Variants in STK3 observed in about 807,000 individuals in gnomAD.
STK3 encodes serine/threonine-protein kinase 3.
STK3 carries 41 observed loss-of-function variants against 58.0 expected under a neutral mutation model. That is an observed-to-expected ratio of 0.71 (90% CI 0.55 to 0.92). STK3 has a LOEUF of 0.92. Ranked by LOEUF, STK3 falls within the 40% of genes least tolerant of loss-of-function variation. The probability of loss-of-function intolerance (pLI) is 0.00; values close to 1 mark genes in which losing one functional copy is unlikely to be tolerated. For missense variants in STK3, 479 were observed against 602.7 expected (o/e 0.79, Z 2.15); for synonymous variants, 170 against 191.0 (o/e 0.89, Z 0.91).
chr8:98,746,114 C>T (rs1829624872), intron 4 of STK3, among the ~76,000 whole-genome samples: 1 of 152,244 alleles, frequency 6.6e-6, no homozygotes, highest in Non-Finnish European at 1.5e-5. Flanking sequence ...TAGCACATAA[C>T]TGTACTGAAG....
intron 1 of STK3, among the ~76,000 whole-genome samples, chr8:98,777,343 C>T (rs941935842): frequency 4.6e-5 from 7 of 151,930 alleles, no homozygotes; most frequent in African/African-American, 1.4e-4. Flanking sequence ...CCCGGGCAAA[C>T]GGCGGAACCC....
At position 98,455,223 on chromosome 8, in the gene STK3, C is replaced by T. The variant is rs1054673961; in HGVS notation, c.*619G>A. ...AAGGGTAAAAATGGAATTATTGCTT[C>T]AATATAAAAAAGGCCTAGCCCATTT... On this transcript the variant is annotated 3_prime_UTR_variant, in exon 11 of 11. Coordinates refer to ENST00000419617, the MANE Select transcript of STK3 (RefSeq NM_006281.4). 1.3e-5 allele frequency: 2 copies of T among 152,252 alleles called. No individual in the cohort carries two copies. Among genetic ancestry groups the T allele is most frequent in the African/African-American group, 4.8e-5 (2 of 41,336 alleles). The allele number at this position is 152,252 out of a possible 1,614,324, so 9.4% of individuals were successfully genotyped here.
rs112199991 is a variant in STK3 at position 98,878,547 on chromosome 8, C to T, written c.110+5100G>A. ...ACCATTTTTCCCGCCAAACCACTCACCCCGTCACTCTCTTTAAATTAGCCA... is the reference window on the plus strand; with the variant it reads ...ACCATTTTTCCCGCCAAACCACTCATCCCGTCACTCTCTTTAAATTAGCCA... On this transcript the variant is annotated intron_variant, in intron 3 of 12. Transcript: ENST00000523601. Among the ~76,000 whole-genome samples, 1,333 of 152,166 alleles carry T rather than the reference C, an allele frequency of 8.8e-3. 14 individuals are homozygous for T. Among genetic ancestry groups the T allele is most frequent in the African/African-American group, 0.03 (1,259 of 41,504 alleles).
chr8:98,360,667 G>C, the STK3 span, among the ~76,000 whole-genome samples: 2 of 152,128 alleles, frequency 1.3e-5, no homozygotes, highest in African/African-American at 4.8e-5. Context: ...CCTTCCTTGA[G>C]AGCTCTCACT....
chr8:98,694,210 T>C (rs1305550119), intron 6 of STK3, among the ~76,000 whole-genome samples: 3 of 152,206 alleles, frequency 2.0e-5, no homozygotes, highest in Non-Finnish European at 1.5e-5. Flanking sequence ...GAAAAGACTC[T>C]TCAGGAAAGG....
At chr8:98,470,972 A>T (rs1820875308) in intron 10 of STK3, among the ~76,000 whole-genome samples, 1 of 152,220 alleles carries the variant, frequency 6.6e-6, no homozygotes, top group Non-Finnish European at 1.5e-5. Flanking sequence ...AAATTAAATG[A>T]TCCTAAATCA....
chr8:98,383,390 G>C (rs1363278348), intron 1 of STK3, among the ~76,000 whole-genome samples: 3 of 152,218 alleles, frequency 2.0e-5, no homozygotes, highest in Non-Finnish European at 2.9e-5. Flanking sequence ...CAGACTAGAT[G>C]TATAAATGAG....
intron 9 of STK3, among the ~76,000 whole-genome samples, chr8:98,529,521 C>A (rs1200861645): frequency 6.6e-6 from 1 of 152,078 alleles, no homozygotes. Context: ...TTGACTTCAC[C>A]TTATGTGTTT....
At chr8:98,483,445 T>G (rs1466737998) in intron 10 of STK3, among the ~76,000 whole-genome samples, 1 of 152,234 alleles carries the variant, frequency 6.6e-6, no homozygotes, top group African/African-American at 2.4e-5. Flanking sequence ...CTGAAAGTCT[T>G]GGCATAAAAA....
chr8:98,741,799 G>C (rs576699000), intron 4 of STK3, among the ~76,000 whole-genome samples: 1 of 152,250 alleles, frequency 6.6e-6, no homozygotes, highest in East Asian at 1.9e-4. Context: ...CCAGGAGCTG[G>C]TTTTTTGAAA....
Position 98,589,869 on chromosome 8 carries a change from C to T in STK3, c.822+6163G>A, listed in dbSNP as rs182932218. On this transcript the variant is annotated intron_variant, in intron 7 of 10. Transcript: ENST00000419617. ...GGGAGTGGCCTGATTTTCCAGGTGC[C>T]GTCCGTCACTCCTTTCTTTGACTAG... Among the ~76,000 whole-genome samples, 1,035 of 152,322 alleles carry T rather than the reference C, an allele frequency of 6.8e-3. 8 individuals are homozygous for T. The highest frequency in any genetic ancestry group is 0.023 in the African/African-American group (969 of 41,558).
At chr8:98,693,174 A>G (rs1587314954) in intron 6 of STK3, among the ~76,000 whole-genome samples, 1 of 152,138 alleles carries the variant, frequency 6.6e-6, no homozygotes, top group African/African-American at 2.4e-5. Flanking sequence ...AGGCAGACAG[A>G]CTGCTTAAGC....
At chr8:98,849,822 A>G (rs758598911) in intron 3 of STK3, among the ~76,000 whole-genome samples, 1 of 152,074 alleles carries the variant, frequency 6.6e-6, no homozygotes, top group Non-Finnish European at 1.5e-5. Flanking sequence ...TCCAGGTCCA[A>G]AGGAATAGGG....
intron 3 of STK3, chr8:98,427,526 GCGCATCCCC>G (rs1818253937): frequency 6.6e-6 from 1 of 151,622 alleles, no homozygotes; most frequent in East Asian, 2.0e-4. Context: ...CCAGACTCCA[GCGCATCCCC>G]CCCACCCCAC....
intron 3 of STK3, chr8:98,431,782 A>G (rs1818336968): frequency 6.0e-6 from 1 of 167,116 alleles, no homozygotes; most frequent in Non-Finnish European, 1.5e-5. Context: ...ACTTGCATTT[A>G]TCTGGTGCCT....
intron 1 of STK3, among the ~76,000 whole-genome samples, chr8:98,922,053 T>C (rs1839586789): frequency 1.3e-5 from 2 of 152,144 alleles, no homozygotes; most frequent in African/African-American, 2.4e-5. Context: ...AAAGCACCCT[T>C]GCAGCTAGGG....
chr8:98,362,805 T>A, the STK3 span, among the ~76,000 whole-genome samples: 1 of 152,196 alleles, frequency 6.6e-6, no homozygotes, highest in East Asian at 1.9e-4. Context: ...GGCCGCTCCC[T>A]TCACTTCCTT....
At chr8:98,623,422 G>T (rs1472934110) in intron 6 of STK3, among the ~76,000 whole-genome samples, 1 of 152,146 alleles carries the variant, frequency 6.6e-6, no homozygotes, top group African/African-American at 2.4e-5. Context: ...TAAAGGTGGG[G>T]CTCTAATCCA....
Position 98,694,659 on chromosome 8 carries a change from G to A in STK3, c.684+11808C>T, listed in dbSNP as rs570786936. Among the ~76,000 whole-genome samples, 38 of 152,216 alleles carry A rather than the reference G, an allele frequency of 2.5e-4. 1 individual carries two copies. The East Asian group carries it at 3.9e-3, about 15-fold the overall frequency. On this transcript the variant is annotated intron_variant, in intron 6 of 10. Coordinates refer to ENST00000419617, the MANE Select transcript of STK3 (RefSeq NM_006281.4). ...AATCATGATTTCCAACTTCATCCAT[G>A]TCCCTACAAAGAACATGAACTCATC...
Sources: gnomAD v4.1 joint callset for allele counts (sites outside exome capture counted in the v4.1 genomes callset) on GRCh38, gnomAD v4.1.1 for gene constraint, MANE v1.5 for transcripts, NCBI Gene and HGNC (gene_info 2026-07-23, HGNC 2026-07-21) for gene names.